Variants in ABCC9 observed in about 807,000 individuals in gnomAD.
The protein encoded by ABCC9 is ATP-binding cassette sub-family C member 9.
A neutral mutation model predicts 188.3 loss-of-function variants in ABCC9; 95 were observed. The observed-to-expected ratio is 0.50, with a 90% CI of 0.43 to 0.60. The LOEUF is 0.60. Among genes scored for constraint, ABCC9 ranks in the 20% least tolerant of loss-of-function variants. The pLI is 0.00. For missense variants in ABCC9, 1,102 were observed against 1,876.3 expected, an observed-to-expected ratio of 0.59 and a Z score of 7.62; for synonymous variants, 659 against 652.7, an observed-to-expected ratio of 1.01 and a Z score of -0.15.
chr12:21,872,966 G>A (rs1297221837), intron 17 of ABCC9, among the ~76,000 whole-genome samples: 3 of 151,566 alleles, frequency 2.0e-5, no homozygotes, highest in African/African-American at 4.8e-5. Context: ...TAGCAGTAAA[G>A]AAAGTAATGA....
chr12:21,938,046 TG>T (rs1949563396), intron 2 of ABCC9: 1 of 151,314 alleles, frequency 6.6e-6, no homozygotes, highest in South Asian at 2.1e-4. Flanking sequence ...CATTGATAAT[TG>T]ATTTAGCAAT....
At chr12:21,910,413 G>A in intron 9 of ABCC9, 101 bp from the exon 10 acceptor site, 1 of 1,213,476 alleles carries the variant, frequency 8.2e-7, no homozygotes, top group Non-Finnish European at 1.1e-6. Context: ...ATTTTTTTGA[G>A]AAAAAAGAAA....
Position 21,830,582 on chromosome 12 carries a change from G to A in ABCC9, c.3567-1522C>T, listed in dbSNP as rs373859461. On this transcript the variant is annotated intron_variant, in intron 30 of 39. Coordinates refer to ENST00000261200, the MANE Select transcript of ABCC9 (RefSeq NM_020297.4). Reference sequence around the variant, plus strand: ...GTCAAAGAATGAAGATATCCTGGGAGGGGTGTTCATTTGGCCCACTGAAGT... The same window carrying A: ...GTCAAAGAATGAAGATATCCTGGGAAGGGTGTTCATTTGGCCCACTGAAGT... 1.1e-4 allele frequency among the ~76,000 whole-genome samples: 16 copies of A among 152,312 alleles called. 1 individual carries two copies. Among genetic ancestry groups the A allele is most frequent in the African/African-American group, 2.2e-4 (9 of 41,568 alleles).
chr12:21,845,096 C>G (rs967273354), intron 26 of ABCC9, among the ~76,000 whole-genome samples, 181 bp from the exon 27 acceptor site: 2 of 151,880 alleles, frequency 1.3e-5, no homozygotes, highest in African/African-American at 4.8e-5. Flanking sequence ...ATTCCACAGG[C>G]CAAGCCTCCA....
chr12:21,815,602 G>A (rs182480836), intron 34 of ABCC9, among the ~76,000 whole-genome samples, 161 bp downstream of exon 34: 118 of 152,228 alleles, frequency 7.8e-4, no homozygotes, highest in African/African-American at 2.7e-3. Flanking sequence ...ACTGTAGTCT[G>A]ATCCTATCTC....
chr12:21,854,680 C>G (rs375747942), intron 22 of ABCC9, among the ~76,000 whole-genome samples: 21 of 152,286 alleles, frequency 1.4e-4, no homozygotes, highest in African/African-American at 4.8e-4. Flanking sequence ...ATCACAGACA[C>G]TAGCTCCTTG....
At position 21,936,750 on chromosome 12, in the gene ABCC9, T is replaced by TA. The variant is rs1949506707; in HGVS notation, c.-20-57dup. ...CCTCTTATTAGTAAACTCTTGTTCA[T>TA]AAAATTATTAAAGCCTTGAATAGAG... is the stretch of plus-strand genomic sequence containing the variant. On this transcript the variant is annotated intron_variant, in intron 2 of 39. Transcript: ENST00000261200. 28 of 1,318,320 alleles carry TA rather than the reference T, an allele frequency of 2.1e-5. 1 individual carries two copies. The South Asian group carries it at 3.5e-4, about 17-fold the overall frequency. The allele number at this position is 1,318,320 out of a possible 1,614,324, so 81.7% of individuals were successfully genotyped here.
At chr12:21,840,348 C>A (rs1017602915) in intron 29 of ABCC9, among the ~76,000 whole-genome samples, 22 of 152,124 alleles carry the variant, frequency 1.4e-4, no homozygotes, top group Non-Finnish European at 2.2e-4. Flanking sequence ...TATTTGCTAA[C>A]TTTCAGATAA....
At chr12:21,902,187 C>T (rs1269476271) in intron 12 of ABCC9, among the ~76,000 whole-genome samples, 2 of 152,290 alleles carry the variant, frequency 1.3e-5, no homozygotes, top group South Asian at 2.1e-4. Context: ...CAACCTGCTC[C>T]TGAATGACCA....
At chr12:21,886,114 C>A (rs1946864662) in intron 15 of ABCC9, among the ~76,000 whole-genome samples, 1 of 151,986 alleles carries the variant, frequency 6.6e-6, no homozygotes, top group East Asian at 1.9e-4. Flanking sequence ...TAGACACTTC[C>A]TTCAAGAAAG....
At chr12:21,853,460 CTATTAT>C (rs148486888) in intron 22 of ABCC9, among the ~76,000 whole-genome samples, 1 of 151,490 alleles carries the variant, frequency 6.6e-6, no homozygotes, top group Non-Finnish European at 1.5e-5. Context: ...ACATTGTTAG[CTATTAT>C]TATTATTATT....
intron 30 of ABCC9, among the ~76,000 whole-genome samples, chr12:21,829,880 T>TTTAAAA (rs1943656493): frequency 6.6e-6 from 1 of 152,174 alleles, no homozygotes; most frequent in Non-Finnish European, 1.5e-5. Context: ...AAAATATACT[T>TTTAAAA]TTAAAATTAT....
chr12:21,882,931 A>C (rs1946692428), intron 15 of ABCC9, 58 bp from the exon 16 acceptor site: 2 of 1,389,170 alleles, frequency 1.4e-6, no homozygotes, highest in South Asian at 2.3e-5. Context: ...ATGAAGTTTT[A>C]CTGAACACTT....
At chr12:21,860,551 A>C (rs185810683) in intron 21 of ABCC9, among the ~76,000 whole-genome samples, 1 of 152,358 alleles carries the variant, frequency 6.6e-6, no homozygotes, top group Non-Finnish European at 1.5e-5. Flanking sequence ...TCTGAATAAT[A>C]TGACATCAAT....
In ABCC9 at chr12:21,852,464, A is replaced by G. The variant is rs876657428; in HGVS notation, c.2547T>C (p.His849=). Residue 849 remains histidine (H), a synonymous_variant, in exon 23 of 40, where the codon CAT becomes CAC. Coordinates refer to ENST00000261200, the MANE Select transcript of ABCC9 (RefSeq NM_020297.4). The part of the protein sequence containing the change: ...FSALDIHLSD[H]LMQEGILKFL... ...ATTTCAAAATCCCCTCCTGCATTAA[A>G]TGATCACTCAAGTGAATGTCCAGGG... 8.1e-6 allele frequency: 13 copies of G among 1,613,174 alleles called. No individual in the cohort carries two copies. Among genetic ancestry groups the G allele is most frequent in the Admixed American group, 3.3e-5 (2 of 59,990 alleles).
chr12:21,936,328 T>G (rs181580058), intron 3 of ABCC9, among the ~76,000 whole-genome samples: 1 of 152,290 alleles, frequency 6.6e-6, no homozygotes, highest in African/African-American at 2.4e-5. Context: ...AGGCCATGCC[T>G]AAGCAAGCAT....
chr12:21,826,314 G>A (rs1943375067), intron 31 of ABCC9, among the ~76,000 whole-genome samples: 1 of 151,970 alleles, frequency 6.6e-6, no homozygotes, highest in South Asian at 2.1e-4. Flanking sequence ...TCCAGCTGTG[G>A]GGTGTAGAGA....
chr12:21,818,053 T>A, intron 32 of ABCC9, 97 bp downstream of exon 32: 1 of 652,932 alleles, frequency 1.5e-6, no homozygotes, highest in Non-Finnish European at 2.7e-6. Context: ...AATTCCCCTC[T>A]CTGTGCTCAT....
chr12:21,816,404 C>A (rs1942649753), intron 33 of ABCC9, among the ~76,000 whole-genome samples: 1 of 152,018 alleles, frequency 6.6e-6, no homozygotes, highest in Non-Finnish European at 1.5e-5. Context: ...CATGGAGGCC[C>A]CATGATGAAG....
Sources: gnomAD v4.1 joint callset for allele counts (sites outside exome capture counted in the v4.1 genomes callset) on GRCh38, gnomAD v4.1.1 for gene constraint, MANE v1.5 for transcripts, NCBI Gene and HGNC (gene_info 2026-07-23, HGNC 2026-07-21) for gene names.